The following KLRG1 variants were observed in gnomAD, a reference collection of about 807,000 sequenced individuals.
The protein encoded by KLRG1 is killer cell lectin like receptor G1, also known as killer cell lectin-like receptor subfamily G member 1.
Under a neutral mutation model 21.8 loss-of-function variants are expected in KLRG1, and 16 were observed. The ratio of observed to expected loss-of-function variants is 0.73; its 90% CI spans 0.50 to 1.11. The LOEUF (loss-of-function observed/expected upper bound fraction) is 1.11, where lower values mean the gene tolerates loss of function less well. Ranked by LOEUF, KLRG1 falls within the 50% of genes most tolerant of loss-of-function variation. The pLI is 0.00. For synonymous variants in KLRG1, 69 were observed against 75.9 expected (o/e 0.91, Z 0.47); for missense variants, 173 against 218.3 (o/e 0.79, Z 1.31).
At chr12:9,196,315 T>TAC in the KLRG1 span, 4 of 1,569,770 alleles carry the variant, frequency 2.5e-6, no homozygotes, top group Non-Finnish European at 3.5e-6. Flanking sequence ...ACCTGTGCAT[T>TAC]ACAACATATC....
At chr12:9,104,296 G>T in the KLRG1 span, 1 of 1,613,236 alleles carries the variant, frequency 6.2e-7, no homozygotes, top group Non-Finnish European at 8.5e-7. Flanking sequence ...ACTGTACAAG[G>T]CCATGCTCAT....
At chr12:9,028,685 A>G in the KLRG1 span, 1 of 442,064 alleles carries the variant, frequency 2.3e-6, no homozygotes, top group Non-Finnish European at 4.3e-6. Context: ...CTCGTGATCC[A>G]CCCGCCTTGG....
At chr12:9,061,662 A>G in the KLRG1 span, among the ~76,000 whole-genome samples, 4 of 152,140 alleles carry the variant, frequency 2.6e-5, no homozygotes, top group Admixed American at 1.3e-4. Flanking sequence ...AAAAATAAAT[A>G]AATAAGATGA....
At chr12:9,101,170 T>G in the KLRG1 span, 1 of 1,561,698 alleles carries the variant, frequency 6.4e-7, no homozygotes, top group Non-Finnish European at 8.7e-7. Context: ...AAGCAGTCCA[T>G]GAGTCCCAGT....
chr12:9,188,346 T>A, the KLRG1 span, among the ~76,000 whole-genome samples: 1 of 152,118 alleles, frequency 6.6e-6, no homozygotes, highest in Non-Finnish European at 1.5e-5. Context: ...AAACTCCCAA[T>A]AAACTAGATA....
At chr12:8,969,715 A>T (rs769162273) in intron 1 of KLRG1, among the ~76,000 whole-genome samples, 1 of 152,328 alleles carries the variant, frequency 6.6e-6, no homozygotes, top group African/African-American at 2.4e-5. Flanking sequence ...TTTTAAAGTG[A>T]TCAATAAAAT....
the KLRG1 span, among the ~76,000 whole-genome samples, chr12:9,092,500 G>A: frequency 6.6e-6 from 1 of 152,138 alleles, no homozygotes; most frequent in Non-Finnish European, 1.5e-5. Flanking sequence ...TAAACAGCCT[G>A]CATCTGGGAG....
chr12:9,015,707 C>T (rs925901235), downstream of KLRG1, among the ~76,000 whole-genome samples: 4 of 152,238 alleles, frequency 2.6e-5, no homozygotes, highest in Admixed American at 2.6e-4. Context: ...GCAGAATATG[C>T]GTTCTTCTCC....
At chr12:9,201,031 C>T in the KLRG1 span, 7 of 1,613,898 alleles carry the variant, frequency 4.3e-6, no homozygotes, top group Non-Finnish European at 5.9e-6. Context: ...TGAGACTCTG[C>T]CATTGTGCAA....
chr12:9,155,955 G>C, the KLRG1 span: 139,897 of 161,278 alleles, frequency 0.87, 61,587 homozygotes, highest in East Asian at 0.96. Flanking sequence ...AGCAGAGGCA[G>C]CATGCCATAT....
the KLRG1 span, among the ~76,000 whole-genome samples, chr12:9,087,957 A>G: frequency 6.6e-6 from 1 of 152,150 alleles, no homozygotes; most frequent in African/African-American, 2.4e-5. Flanking sequence ...AATAGTTGAA[A>G]AAACCAATAT....
At chr12:9,069,373 G>GT in the KLRG1 span, among the ~76,000 whole-genome samples, 1 of 151,924 alleles carries the variant, frequency 6.6e-6, no homozygotes. Flanking sequence ...GAGACTGACA[G>GT]TTTTTTTTCC....
At chr12:9,160,122 T>G in the KLRG1 span, 1 of 1,240,686 alleles carries the variant, frequency 8.1e-7, no homozygotes, top group South Asian at 1.3e-5. Context: ...GGACATTTTA[T>G]GACCTTCTGT....
intron 1 of KLRG1, among the ~76,000 whole-genome samples, chr12:8,975,286 A>G (rs1447045812): frequency 6.6e-6 from 1 of 152,168 alleles, no homozygotes; most frequent in Non-Finnish European, 1.5e-5. Context: ...GGAACCATCT[A>G]GTCCTGGGTT....
At chr12:9,027,571 C>T in the KLRG1 span, 1 of 942,218 alleles carries the variant, frequency 1.1e-6, no homozygotes, top group South Asian at 1.3e-5. Context: ...CTACTAGAAC[C>T]ACCATAGGCA....
chr12:8,978,335 A>C (rs190485867), intron 1 of KLRG1, among the ~76,000 whole-genome samples: 3 of 152,296 alleles, frequency 2.0e-5, no homozygotes, highest in South Asian at 4.2e-4. Context: ...CTTCATTAAA[A>C]ATTTTTGAAA....
At chr12:9,203,822 G>T in the KLRG1 span, 3 of 1,614,104 alleles carry the variant, frequency 1.9e-6, no homozygotes, top group Non-Finnish European at 2.5e-6. Flanking sequence ...CAGTGAAGAG[G>T]CTCCTGTTTT....
the KLRG1 span, among the ~76,000 whole-genome samples, chr12:9,171,008 G>A: frequency 6.6e-6 from 1 of 152,182 alleles, no homozygotes; most frequent in Admixed American, 6.5e-5. Flanking sequence ...CAGCCAGGCT[G>A]CTTCTTTGAG....
the KLRG1 span, chr12:9,107,665 A>G: frequency 6.2e-7 from 1 of 1,612,300 alleles, no homozygotes; most frequent in South Asian, 1.1e-5. Flanking sequence ...AACATTCCCA[A>G]AGGAATCAGA....
Sources: gnomAD v4.1 joint callset for allele counts (sites outside exome capture counted in the v4.1 genomes callset) on GRCh38, gnomAD v4.1.1 for gene constraint, MANE v1.5 for transcripts, NCBI Gene and HGNC (gene_info 2026-07-23, HGNC 2026-07-21) for gene names.